C3orf20: variants seen among roughly 807,000 people sequenced by gnomAD.
C3orf20 encodes the protein family with sequence similarity 149 member C.
C3orf20 carries 76 observed loss-of-function variants against 88.3 expected under a neutral mutation model. The observed-to-expected ratio is 0.86, with a 90% confidence interval of 0.72 to 1.04. The LOEUF is 1.04. Ranked by LOEUF, C3orf20 falls within the 50% of genes least tolerant of loss-of-function variation. C3orf20 has a pLI of 0.00. For missense variants in C3orf20, 1,056 were observed against 1,123.3 expected, an observed-to-expected ratio of 0.94 and a Z score of 0.86; for synonymous variants, 436 against 437.4, an observed-to-expected ratio of 1.00 and a Z score of 0.04.
At position 14,726,807 on chromosome 3, in the gene C3orf20, C is replaced by T. The variant is rs544856081; in HGVS notation, c.1567-94C>T. On this transcript the variant is annotated intron_variant, in intron 10 of 16. Transcript: ENST00000253697. ...GGTAGGGGGGCAGGCAATAGCACATCCTCTGAACCGGAGCAAGTCTTAGTT... is the reference window on the plus strand; with the variant it reads ...GGTAGGGGGGCAGGCAATAGCACATTCTCTGAACCGGAGCAAGTCTTAGTT... 9.4e-4 allele frequency: 1,467 copies of T among 1,560,738 alleles called. 1 individual carries two copies. The highest frequency in any genetic ancestry group is 1.3e-3 in the Admixed American group (75 of 58,162).
chr3:14,726,635 C>T (rs1216817787), intron 10 of C3orf20, among the ~76,000 whole-genome samples: 1 of 152,174 alleles, frequency 6.6e-6, no homozygotes, highest in Non-Finnish European at 1.5e-5. Context: ...CTTCAAGCTG[C>T]ATTGAGCATG....
intron 12 of C3orf20, among the ~76,000 whole-genome samples, chr3:14,752,694 T>C (rs1189120504): frequency 6.6e-6 from 1 of 152,124 alleles, no homozygotes; most frequent in Non-Finnish European, 1.5e-5. Flanking sequence ...AACAGACACT[T>C]CTCAAAAGAA....
At chr3:14,738,739 C>CAAGCGACTCTCCTGCCTCT (rs1284612168) in intron 12 of C3orf20, among the ~76,000 whole-genome samples, 44 of 97,048 alleles carry the variant, frequency 4.5e-4, no homozygotes, top group Non-Finnish European at 9.3e-4. Context: ...CTCCTGGGTT[C>CAAGCGACTCTCCTGCCTCT]AAGCGACTCT....
At position 14,701,963 on chromosome 3, in the gene C3orf20, G is replaced by A. The variant is rs1185352443; in HGVS notation, c.746-1167G>A. 6.6e-6 allele frequency among the ~76,000 whole-genome samples: 1 copy of A among 152,090 alleles called. No individual in the cohort carries two copies. Among genetic ancestry groups the A allele is most frequent in the East Asian group, 1.9e-4 (1 of 5,190 alleles). On this transcript the variant is annotated intron_variant, in intron 5 of 16. Coordinates refer to ENST00000253697, the MANE Select transcript of C3orf20 (RefSeq NM_032137.5). The surrounding 1 kb of genome is among the most constrained non-coding windows in gnomAD (Gnocchi z 4.6). ...GCATCAATGATACCCCCAATATTCTGACATTTAAAGGATGCTGCTCTCCTG... is the reference window on the plus strand; with the variant it reads ...GCATCAATGATACCCCCAATATTCTAACATTTAAAGGATGCTGCTCTCCTG...
chr3:14,721,572 T>C, intron 9 of C3orf20, 81 bp from the exon 10 acceptor site: 1 of 1,558,098 alleles, frequency 6.4e-7, no homozygotes, highest in South Asian at 1.2e-5. Flanking sequence ...AACAGGGGCT[T>C]TGTGCTTCGT....
chr3:14,681,964 A>G (rs1405962666), intron 1 of C3orf20, among the ~76,000 whole-genome samples: 1 of 152,194 alleles, frequency 6.6e-6, no homozygotes, highest in Non-Finnish European at 1.5e-5. Flanking sequence ...ATTATAGTCC[A>G]TTGATTTTCA....
chr3:14,722,253 G>A (rs2034190322), intron 10 of C3orf20: 2 of 321,784 alleles, frequency 6.2e-6, no homozygotes, highest in Admixed American at 3.8e-5. Context: ...GAAGAAGGAG[G>A]GCTTCTGTTT....
In C3orf20 at chr3:14,703,169, T is replaced by C; in HGVS notation, c.785T>C (p.Leu262Pro). Residue 262 changes from leucine to proline, a missense_variant, in exon 6 of 17, where the codon CTG becomes CCG. Coordinates refer to ENST00000253697, the MANE Select transcript of C3orf20 (RefSeq NM_032137.5). ...RTTEDVSMPP[L>P]HRGVGTPANS... ...ACAGAAGATGTCAGCATGCCGCCCC[T>C]GCATCGAGGAGTGGGAACCCCTGCC... 1 of 1,614,180 alleles carries C rather than the reference T, an allele frequency of 6.2e-7. No individual in the cohort carries two copies. Among genetic ancestry groups the C allele is most frequent in the South Asian group, 1.1e-5 (1 of 91,088 alleles).
intron 9 of C3orf20, among the ~76,000 whole-genome samples, chr3:14,720,620 A>T (rs918065631): frequency 1.3e-5 from 2 of 152,012 alleles, no homozygotes; most frequent in Non-Finnish European, 2.9e-5. Flanking sequence ...ATTTGTAGAT[A>T]AGGGGATATT....
intron 11 of C3orf20, among the ~76,000 whole-genome samples, chr3:14,728,104 T>C (rs961171206): frequency 6.6e-6 from 1 of 152,204 alleles, no homozygotes; most frequent in Non-Finnish European, 1.5e-5. Context: ...AAGGAAGGAA[T>C]AGCATGGGCC....
chr3:14,688,513 C>CA (rs1271134229), intron 4 of C3orf20, among the ~76,000 whole-genome samples: 2 of 114,622 alleles, frequency 1.7e-5, no homozygotes, highest in Non-Finnish European at 3.3e-5. Context: ...GCCTGGATGA[C>CA]AGAGTGAGAC....
chr3:14,734,771 T>C (rs1358993950), intron 12 of C3orf20, among the ~76,000 whole-genome samples: 1 of 152,146 alleles, frequency 6.6e-6, no homozygotes, highest in Non-Finnish European at 1.5e-5. Context: ...CTTATTTGTA[T>C]CATTTACTGA....
At chr3:14,745,014 T>G (rs1264930742) in intron 12 of C3orf20, among the ~76,000 whole-genome samples, 1 of 152,208 alleles carries the variant, frequency 6.6e-6, no homozygotes, top group Non-Finnish European at 1.5e-5. Flanking sequence ...TTTTAAACAG[T>G]GAGTGCTGTG....
intron 12 of C3orf20, among the ~76,000 whole-genome samples, chr3:14,733,895 G>T (rs1451987839): frequency 6.6e-6 from 1 of 152,098 alleles, no homozygotes; most frequent in Non-Finnish European, 1.5e-5. Context: ...CACCATGTTG[G>T]CCAGGATGGT....
intron 4 of C3orf20, among the ~76,000 whole-genome samples, chr3:14,688,359 G>A (rs1266556620): frequency 6.6e-6 from 1 of 151,548 alleles, no homozygotes; most frequent in African/African-American, 2.4e-5. Context: ...ATGAAACCCT[G>A]TCTCTACTAA....
At chr3:14,756,327 C>T (rs531111718) in intron 12 of C3orf20, among the ~76,000 whole-genome samples, 1 of 151,880 alleles carries the variant, frequency 6.6e-6, no homozygotes, top group South Asian at 2.1e-4. Context: ...ATAGTAGGGG[C>T]CCAACAAATA....
At chr3:14,734,935 A>G (rs2034658100) in intron 12 of C3orf20, among the ~76,000 whole-genome samples, 1 of 151,080 alleles carries the variant, frequency 6.6e-6, no homozygotes, top group African/African-American at 2.4e-5. Flanking sequence ...TTTATTAAGA[A>G]CTCTCTTTAT....
At chr3:14,770,561 C>G (rs1222755304) in intron 15 of C3orf20, among the ~76,000 whole-genome samples, 1 of 152,192 alleles carries the variant, frequency 6.6e-6, no homozygotes, top group African/African-American at 2.4e-5. Context: ...TCCACACCCA[C>G]TTCCTGTCCC....
chr3:14,693,867 C>G (rs2032849039), intron 5 of C3orf20, among the ~76,000 whole-genome samples: 1 of 152,174 alleles, frequency 6.6e-6, no homozygotes, highest in Admixed American at 6.5e-5. Flanking sequence ...CATATTCCTT[C>G]TATACCCAGT....
Sources: allele counts gnomAD v4.1 joint callset (sites outside exome capture counted in the v4.1 genomes callset), GRCh38; gene constraint gnomAD v4.1.1; non-coding constraint Gnocchi (gnomAD v3.1); transcripts MANE v1.5; gene names NCBI Gene and HGNC (gene_info 2026-07-23, HGNC 2026-07-21).